The following MDFIC variants were observed in gnomAD, a reference collection of about 807,000 sequenced individuals.
MDFIC encodes MyoD family inhibitor domain containing.
Under a neutral mutation model 23.2 loss-of-function variants are expected in MDFIC, and 17 were observed. The ratio of observed to expected loss-of-function variants is 0.73; its 90% confidence interval spans 0.50 to 1.10. The LOEUF (loss-of-function observed/expected upper bound fraction) is 1.10. MDFIC is among the 50% of genes least tolerant of loss of function. The pLI is 0.00. For synonymous variants in MDFIC, 120 were observed against 115.2 expected (o/e 1.04, Z -0.27); for missense variants, 356 against 316.6 (o/e 1.12, Z -0.95).
In MDFIC at chr7:114,994,396, C is replaced by T. The variant is rs1200744829; in HGVS notation, c.493+14615C>T. Among the ~76,000 whole-genome samples, 6 of 152,094 alleles carry T rather than the reference C, an allele frequency of 3.9e-5. No individual in the cohort carries two copies. The East Asian group carries it at 7.7e-4, about 20-fold the overall frequency. ...TGTGAATTTGATCCTGTCATTATGA[C>T]ATTAGCTGGTTATTTTGCTCCTTAG... On this transcript the variant is annotated intron_variant, in intron 4 of 4. Transcript: ENST00000393486.
chr7:114,960,502 A>G (rs765717472), intron 3 of MDFIC, among the ~76,000 whole-genome samples: 6 of 152,106 alleles, frequency 3.9e-5, no homozygotes, highest in Non-Finnish European at 7.4e-5. Flanking sequence ...CCGCAAACAC[A>G]TATCAAAAGG....
intron 3 of MDFIC, among the ~76,000 whole-genome samples, chr7:114,947,908 T>C (rs932965922): frequency 3.3e-5 from 5 of 152,202 alleles, no homozygotes; most frequent in African/African-American, 1.2e-4. Context: ...TTCATTGTTA[T>C]TATCCTTGAG....
intron 3 of MDFIC, among the ~76,000 whole-genome samples, chr7:114,963,509 T>TC (rs1207573121): frequency 6.6e-6 from 1 of 152,176 alleles, no homozygotes; most frequent in Non-Finnish European, 1.5e-5. Context: ...CTAAAAAATT[T>TC]CCCTTGATAT....
intron 3 of MDFIC, among the ~76,000 whole-genome samples, chr7:114,964,404 T>C (rs930965291): frequency 1.3e-5 from 2 of 152,226 alleles, no homozygotes; most frequent in Non-Finnish European, 2.9e-5. Flanking sequence ...TATGTACTTA[T>C]TAAGATTTTA....
chr7:114,933,142 G>T (rs1294296029), intron 2 of MDFIC, among the ~76,000 whole-genome samples: 1 of 152,060 alleles, frequency 6.6e-6, no homozygotes, highest in Non-Finnish European at 1.5e-5. Context: ...TAACTGAGAG[G>T]TAACAAAAAG....
At chr7:115,013,704 T>A (rs372257434) in intron 4 of MDFIC, among the ~76,000 whole-genome samples, 2 of 152,238 alleles carry the variant, frequency 1.3e-5, no homozygotes, top group South Asian at 4.1e-4. Context: ...ACAAATATTT[T>A]ACAAATCATG....
chr7:115,004,676 G>A (rs1043312123), intron 4 of MDFIC, among the ~76,000 whole-genome samples: 1 of 152,150 alleles, frequency 6.6e-6, no homozygotes, highest in Non-Finnish European at 1.5e-5. Flanking sequence ...AACCATGAAG[G>A]CATTGTCTCC....
chr7:114,945,671 C>T (rs1013564105), intron 3 of MDFIC, among the ~76,000 whole-genome samples: 2 of 152,108 alleles, frequency 1.3e-5, no homozygotes, highest in Non-Finnish European at 2.9e-5. Context: ...GGTCAGAGAA[C>T]GCACATTTTG....
At chr7:114,966,731 T>A (rs2115892165) in intron 3 of MDFIC, among the ~76,000 whole-genome samples, 1 of 152,366 alleles carries the variant, frequency 6.6e-6, no homozygotes. Flanking sequence ...CAGAATTACC[T>A]GAAAGCTTTT....
At chr7:114,953,289 C>T (rs1447551028) in intron 3 of MDFIC, among the ~76,000 whole-genome samples, 5 of 151,860 alleles carry the variant, frequency 3.3e-5, no homozygotes, top group African/African-American at 1.2e-4. Context: ...TTATTAAATT[C>T]AAATATTTTA....
chr7:114,955,273 C>T (rs1489820277), intron 3 of MDFIC, among the ~76,000 whole-genome samples: 65 of 152,114 alleles, frequency 4.3e-4, no homozygotes, highest in Non-Finnish European at 2.9e-5. Context: ...TTTTTCTCTA[C>T]TACTTCCTTT....
At chr7:114,993,240 C>G (rs1161862655) in intron 4 of MDFIC, among the ~76,000 whole-genome samples, 2 of 152,062 alleles carry the variant, frequency 1.3e-5, no homozygotes, top group African/African-American at 4.8e-5. Context: ...ATTCTTCTCT[C>G]TTTTCTTCTT....
chr7:114,965,540 C>T (rs541530637), intron 3 of MDFIC, among the ~76,000 whole-genome samples: 8 of 152,126 alleles, frequency 5.3e-5, no homozygotes, highest in Admixed American at 2.0e-4. Flanking sequence ...ACCAGGTAGA[C>T]GGAGGGGAAA....
chr7:115,011,709 T>C (rs896012871), intron 4 of MDFIC, among the ~76,000 whole-genome samples: 3 of 152,262 alleles, frequency 2.0e-5, no homozygotes, highest in African/African-American at 7.2e-5. Flanking sequence ...TGTGTCATTG[T>C]AGTCTAAGAT....
intron 4 of MDFIC, among the ~76,000 whole-genome samples, chr7:114,995,140 G>A (rs1048485362): frequency 3.3e-5 from 5 of 152,168 alleles, no homozygotes; most frequent in East Asian, 1.9e-4. Context: ...TGATCGAATC[G>A]GCTACTGAAG....
intron 3 of MDFIC, among the ~76,000 whole-genome samples, chr7:114,972,138 A>G (rs2115921160): frequency 6.6e-6 from 1 of 151,992 alleles, no homozygotes; most frequent in South Asian, 2.1e-4. Context: ...GGAGGGAGGG[A>G]ATGTTTAGGG....
intron 3 of MDFIC, among the ~76,000 whole-genome samples, chr7:114,966,104 A>G (rs1793090046): frequency 1.3e-5 from 2 of 152,202 alleles, no homozygotes; most frequent in African/African-American, 4.8e-5. Context: ...GTCATTGAAG[A>G]TAAGCATTGA....
chr7:114,960,522 A>G (rs1351093449), intron 3 of MDFIC, among the ~76,000 whole-genome samples: 1 of 152,126 alleles, frequency 6.6e-6, no homozygotes, highest in African/African-American at 2.4e-5. Flanking sequence ...GGATTTCTAC[A>G]TATGAGGAAA....
At chr7:114,922,847 G>T in intron 1 of MDFIC, 80 bp from the exon 2 acceptor site, 1 of 1,457,638 alleles carries the variant, frequency 6.9e-7, no homozygotes, top group Admixed American at 2.2e-5. Context: ...GGAAGTGGAG[G>T]GGGAGGGAAC....
Sources: allele counts gnomAD v4.1 joint callset (sites outside exome capture counted in the v4.1 genomes callset), GRCh38; gene constraint gnomAD v4.1.1; transcripts MANE v1.5; gene names NCBI Gene and HGNC (gene_info 2026-07-23, HGNC 2026-07-21).